YWHAQ: variants seen among roughly 807,000 people sequenced by gnomAD.
YWHAQ encodes the protein tyrosine 3-monooxygenase/tryptophan 5-monooxygenase activation protein theta.
A neutral mutation model predicts 28.3 loss-of-function variants in YWHAQ; 6 were observed. That is an observed-to-expected ratio of 0.21 (90% CI 0.12 to 0.42). The LOEUF (loss-of-function observed/expected upper bound fraction) is 0.42. Among genes scored for constraint, YWHAQ ranks in the 10% least tolerant of loss-of-function variants. The pLI is 1.00. For synonymous variants in YWHAQ, 143 were observed against 119.1 expected (o/e 1.20, Z -1.31); for missense variants, 201 against 305.6 (o/e 0.66, Z 2.55).
intron 2 of YWHAQ, among the ~76,000 whole-genome samples, chr2:9,602,993 A>G (rs1467356860): frequency 6.8e-6 from 1 of 146,106 alleles, no homozygotes; most frequent in Non-Finnish European, 1.5e-5. Flanking sequence ...CAAGTGTTGA[A>G]CTTACAGGCA....
rs537609418 is a variant in YWHAQ at position 9,630,959 on chromosome 2, G to C, written c.-101C>G. 5.2e-5 allele frequency: 8 copies of C among 152,852 alleles called. No individual in the cohort carries two copies. The South Asian group carries it at 1.4e-3, about 28-fold the overall frequency. 9.5% of individuals were successfully genotyped at this position (152,852 alleles called of 1,614,324 possible). A position where few individuals can be genotyped will look rare whatever the true frequency, so the allele number is the denominator to read the frequency against. On this transcript the variant is annotated 5_prime_UTR_variant, in exon 1 of 6. Transcript: ENST00000238081. This position sits in a 1 kb window ranked among gnomAD's most constrained non-coding sequence, Gnocchi z 5.6. Reference sequence around the variant, plus strand: ...CGCTCACCTTCACGTCTCCGCGGCCGCGACGCGAGTCCCACCACTTTGATC... The same window carrying C: ...CGCTCACCTTCACGTCTCCGCGGCCCCGACGCGAGTCCCACCACTTTGATC...
rs77489580 is a variant in YWHAQ at position 9,622,441 on chromosome 2, T to G, written c.294+7718A>C. 9.2e-5 allele frequency among the ~76,000 whole-genome samples: 14 copies of G among 152,356 alleles called. 1 individual carries two copies. In the South Asian group the frequency reaches 1.7e-3, roughly 18 times the overall value. ...TTAATGCTGAATAGTATTCCATTTA[T>G]GAATACATCAGTGTTTATCAATTTT... On this transcript the variant is annotated intron_variant, in intron 2 of 5. Transcript: ENST00000238081.
chr2:9,616,331 C>T (rs148296747), intron 2 of YWHAQ, among the ~76,000 whole-genome samples: 2 of 151,852 alleles, frequency 1.3e-5, no homozygotes, highest in African/African-American at 4.8e-5. Flanking sequence ...GGACTAAAGA[C>T]CTAAACACAG....
intron 2 of YWHAQ, among the ~76,000 whole-genome samples, chr2:9,596,719 T>C (rs1263032864): frequency 6.6e-6 from 1 of 152,156 alleles, no homozygotes; most frequent in Non-Finnish European, 1.5e-5. Flanking sequence ...TTTTCCCCCT[T>C]GAGACCGAGT....
At chr2:9,594,813 A>C (rs1466767636) in intron 2 of YWHAQ, among the ~76,000 whole-genome samples, 1 of 152,202 alleles carries the variant, frequency 6.6e-6, no homozygotes, top group African/African-American at 2.4e-5. Context: ...TAGGGTGAGG[A>C]GTAGGGAAGA....
In YWHAQ at chr2:9,630,945, A is replaced by T. The variant is rs1366784041; in HGVS notation, c.-87T>A. ...CGGGCCGACCCAGGCGCTCACCTTC[A>T]CGTCTCCGCGGCCGCGACGCGAGTC... On this transcript the variant is annotated 5_prime_UTR_variant, in exon 1 of 6. Transcript: ENST00000238081. This position sits in a 1 kb window ranked among gnomAD's most constrained non-coding sequence, Gnocchi z 5.6. 1.3e-5 allele frequency: 2 copies of T among 152,484 alleles called. No individual in the cohort carries two copies. Among genetic ancestry groups the T allele is most frequent in the African/African-American group, 2.4e-5 (1 of 41,358 alleles). The allele number at this position is 152,484 out of a possible 1,614,324, so 9.4% of individuals were successfully genotyped here.
intron 2 of YWHAQ, among the ~76,000 whole-genome samples, chr2:9,622,694 T>C (rs1321388297): frequency 6.6e-6 from 1 of 152,218 alleles, no homozygotes; most frequent in Non-Finnish European, 1.5e-5. Context: ...TATTAATTCA[T>C]AGACACTCCT....
chr2:9,588,116 T>C, intron 4 of YWHAQ, 49 bp downstream of exon 4: 1 of 1,483,734 alleles, frequency 6.7e-7, no homozygotes, highest in Non-Finnish European at 8.9e-7. Flanking sequence ...ATACCTGGTA[T>C]CTCAAATAAC....
At chr2:9,592,160 G>A (rs1666469328) in intron 2 of YWHAQ, among the ~76,000 whole-genome samples, 1 of 152,198 alleles carries the variant, frequency 6.6e-6, no homozygotes, top group African/African-American at 2.4e-5. Context: ...TTGCATTCAA[G>A]TATCCATCTA....
intron 2 of YWHAQ, among the ~76,000 whole-genome samples, chr2:9,626,702 A>C (rs1667253645): frequency 6.6e-6 from 1 of 152,236 alleles, no homozygotes; most frequent in South Asian, 2.1e-4. Context: ...ATGTGCTGGG[A>C]TTACAGGCAT....
At position 9,630,660 on chromosome 2, in the gene YWHAQ, C is replaced by T. The variant is rs1205382857; in HGVS notation, c.-82-126G>A. 21 of 442,052 alleles carry T rather than the reference C, an allele frequency of 4.8e-5. No homozygotes were observed. The highest frequency in any genetic ancestry group is 7.8e-5 in the Non-Finnish European group (20 of 257,050). The allele number at this position is 442,052 out of a possible 1,614,324, so 27.4% of individuals were successfully genotyped here. A position where few individuals can be genotyped will look rare whatever the true frequency, so the allele number is the denominator to read the frequency against. On this transcript the variant is annotated intron_variant, in intron 1 of 5. Coordinates refer to ENST00000238081, the MANE Select transcript of YWHAQ (RefSeq NM_006826.4). This position sits in a 1 kb window ranked among gnomAD's most constrained non-coding sequence, Gnocchi z 5.6. ...CGCTTGAATTTCCCTCTCCCCCGCC[C>T]CCTCCCCCGCTGGGCACCCGGGGAG...
chr2:9,630,544 G>C lies in YWHAQ; in HGVS notation c.-82-10C>G, dbSNP rs1039072577. The C allele has an allele frequency of 1.6e-6, 2 of 1,283,352 alleles. No homozygotes were observed. The highest frequency in any genetic ancestry group is 5.1e-5 in the East Asian group (2 of 38,836). 79.5% of individuals were successfully genotyped at this position (1,283,352 alleles called of 1,614,324 possible). On this transcript the variant is annotated splice_polypyrimidine_tract_variant and intron_variant, in intron 1 of 5. Transcript: ENST00000238081. This position sits in a 1 kb window ranked among gnomAD's most constrained non-coding sequence, Gnocchi z 5.6. ...GGAGGAGCCTCGAGAGCTGCGGAGG[G>C]GCGGGGCGGCGAGGCGAGAACAAAA...
chr2:9,611,567 A>G (rs1249202029), intron 2 of YWHAQ, among the ~76,000 whole-genome samples: 6 of 152,156 alleles, frequency 3.9e-5, no homozygotes, highest in Non-Finnish European at 8.8e-5. Context: ...CTTTTGGGAA[A>G]TACCCCCCAA....
intron 2 of YWHAQ, among the ~76,000 whole-genome samples, chr2:9,603,015 A>AC (rs1469964338): frequency 6.7e-6 from 1 of 149,430 alleles, no homozygotes; most frequent in Non-Finnish European, 1.5e-5. Context: ...AAGCCACCTC[A>AC]CCTGACTGAG....
intron 2 of YWHAQ, among the ~76,000 whole-genome samples, chr2:9,601,629 C>A (rs1356259217): frequency 1.3e-5 from 2 of 152,118 alleles, no homozygotes; most frequent in African/African-American, 4.8e-5. Flanking sequence ...CCATCCATAA[C>A]TAAGAGCAGT....
chr2:9,592,128 G>A (rs116704763), intron 2 of YWHAQ, among the ~76,000 whole-genome samples: 1 of 152,156 alleles, frequency 6.6e-6, no homozygotes, highest in African/African-American at 2.4e-5. Flanking sequence ...GTACGAGGGA[G>A]AATAGTGCTA....
intron 2 of YWHAQ, among the ~76,000 whole-genome samples, chr2:9,629,140 G>C (rs1249587321): frequency 6.6e-6 from 1 of 151,972 alleles, no homozygotes; most frequent in Non-Finnish European, 1.5e-5. Context: ...TAGTATGCTT[G>C]TCTATCAAAG....
intron 2 of YWHAQ, among the ~76,000 whole-genome samples, chr2:9,603,625 T>C (rs1421428143): frequency 6.6e-6 from 1 of 151,688 alleles, no homozygotes; most frequent in African/African-American, 2.4e-5. Flanking sequence ...CTGTATGTTA[T>C]TAAAACCATA....
Position 9,585,047 on chromosome 2 carries a change from T to G in YWHAQ, c.*239A>C. 1 of 511,310 alleles carries G rather than the reference T, an allele frequency of 2.0e-6. No homozygotes were observed. The highest frequency in any genetic ancestry group is 2.6e-5 in the South Asian group (1 of 38,540). The allele number at this position is 511,310 out of a possible 1,614,324, so 31.7% of individuals were successfully genotyped here. On this transcript the variant is annotated 3_prime_UTR_variant, in exon 6 of 6. Coordinates refer to ENST00000238081, the MANE Select transcript of YWHAQ (RefSeq NM_006826.4). ...TACATAAGTGTTTGGGAGTTACTTA[T>G]GTTTATATGAAATGAAGCTATTAAT...
Sources: gnomAD v4.1 joint callset for allele counts (sites outside exome capture counted in the v4.1 genomes callset) on GRCh38, gnomAD v4.1.1 for gene constraint, Gnocchi (gnomAD v3.1) non-coding constraint, MANE v1.5 for transcripts, NCBI Gene and HGNC (gene_info 2026-07-23, HGNC 2026-07-21) for gene names.